Variants in PLSCR4 observed in about 807,000 individuals in gnomAD.
PLSCR4 encodes the protein Ca(2+)-dependent phospholipid scramblase 4.
A neutral mutation model predicts 36.3 loss-of-function variants in PLSCR4; 25 were observed. The ratio of observed to expected loss-of-function variants is 0.69; its 90% CI spans 0.50 to 0.96. The LOEUF is 0.96. PLSCR4 is among the 40% of genes least tolerant of loss of function. The probability of loss-of-function intolerance (pLI) is 0.00; values close to 1 mark genes in which losing one functional copy is unlikely to be tolerated. For missense variants in PLSCR4, 408 were observed against 414.7 expected, an observed-to-expected ratio of 0.98 and a Z score of 0.14; for synonymous variants, 122 against 132.9, an observed-to-expected ratio of 0.92 and a Z score of 0.56.
At chr3:146,224,683 G>C (rs527915164) in intron 1 of PLSCR4, among the ~76,000 whole-genome samples, 2 of 151,978 alleles carry the variant, frequency 1.3e-5, no homozygotes, top group East Asian at 1.9e-4. Flanking sequence ...AAGGGGACCC[G>C]AGCGGGTTGC....
At chr3:146,235,986 C>T (rs2107835159) in intron 1 of PLSCR4, among the ~76,000 whole-genome samples, 1 of 152,102 alleles carries the variant, frequency 6.6e-6, no homozygotes, top group Non-Finnish European at 1.5e-5. Flanking sequence ...CTTCTAATAA[C>T]CTGTGCTCAT....
chr3:146,200,600 G>A (rs1010060409), intron 5 of PLSCR4, among the ~76,000 whole-genome samples: 7 of 152,032 alleles, frequency 4.6e-5, no homozygotes, highest in African/African-American at 1.7e-4. Context: ...ACTGCACTAC[G>A]ATTTGGCAGA....
At chr3:146,235,656 T>C (rs2035884482) in intron 1 of PLSCR4, among the ~76,000 whole-genome samples, 1 of 151,994 alleles carries the variant, frequency 6.6e-6, no homozygotes, top group African/African-American at 2.4e-5. Context: ...CAGGCAGAGG[T>C]TGAAACAGCT....
At chr3:146,247,607 C>A (rs1195177435) in intron 1 of PLSCR4, among the ~76,000 whole-genome samples, 1 of 152,022 alleles carries the variant, frequency 6.6e-6, no homozygotes, top group East Asian at 1.9e-4. Context: ...TATCATTTGT[C>A]TTCACTGCAT....
intron 1 of PLSCR4, among the ~76,000 whole-genome samples, chr3:146,236,957 G>A (rs1186621326): frequency 6.6e-6 from 1 of 152,004 alleles, no homozygotes; most frequent in Non-Finnish European, 1.5e-5. Context: ...ATCTGATATA[G>A]TTCCTACCTT....
chr3:146,228,264 A>T (rs2035560795), intron 1 of PLSCR4, among the ~76,000 whole-genome samples: 1 of 152,248 alleles, frequency 6.6e-6, no homozygotes, highest in South Asian at 2.1e-4. Context: ...GAAGAGACCA[A>T]GAATAAATGT....
chr3:146,225,555 A>T (rs57764107), intron 1 of PLSCR4, among the ~76,000 whole-genome samples: 56,750 of 151,840 alleles, frequency 0.37, 10,756 homozygotes, highest in African/African-American at 0.44. Context: ...CATGGCAGGC[A>T]GCAGGTCCCG....
At chr3:146,221,233 T>G (rs2035128018) in intron 2 of PLSCR4, among the ~76,000 whole-genome samples, 1 of 152,224 alleles carries the variant, frequency 6.6e-6, no homozygotes, top group Non-Finnish European at 1.5e-5. Flanking sequence ...AGTAAATTCC[T>G]GGCATAATAG....
intron 4 of PLSCR4, among the ~76,000 whole-genome samples, chr3:146,203,861 G>A (rs1180393948): frequency 6.6e-6 from 1 of 151,978 alleles, no homozygotes; most frequent in Non-Finnish European, 1.5e-5. Flanking sequence ...TATGTTCATT[G>A]GAGTAATATC....
At chr3:146,203,688 G>A (rs960144919) in intron 4 of PLSCR4, among the ~76,000 whole-genome samples, 1 of 151,544 alleles carries the variant, frequency 6.6e-6, no homozygotes, top group African/African-American at 2.4e-5. Context: ...TTTTTCTGTA[G>A]CTTCCTCACC....
chr3:146,245,938 A>G (rs760954639), intron 1 of PLSCR4, among the ~76,000 whole-genome samples: 1 of 152,052 alleles, frequency 6.6e-6, no homozygotes, highest in Non-Finnish European at 1.5e-5. Flanking sequence ...GGACTGTGTT[A>G]ATTACTTTTA....
intron 6 of PLSCR4, among the ~76,000 whole-genome samples, chr3:146,199,506 T>C (rs1368640727): frequency 6.6e-6 from 1 of 152,124 alleles, no homozygotes; most frequent in East Asian, 1.9e-4. Context: ...GGTACGTACA[T>C]TTAGATAAAT....
At chr3:146,239,172 G>T (rs1245642454) in intron 1 of PLSCR4, among the ~76,000 whole-genome samples, 1 of 152,084 alleles carries the variant, frequency 6.6e-6, no homozygotes, top group Admixed American at 6.6e-5. Context: ...ATCTACAGAT[G>T]AAACAAAATC....
intron 8 of PLSCR4, 108 bp from the exon 9 acceptor site, chr3:146,194,563 A>AC (rs1372494495): frequency 1.2e-5 from 8 of 670,590 alleles, no homozygotes; most frequent in African/African-American, 3.7e-5. Context: ...CAGTTAAAAT[A>AC]CATAAATTTA....
chr3:146,208,382 T>G (rs188802745), intron 3 of PLSCR4, among the ~76,000 whole-genome samples: 1 of 152,162 alleles, frequency 6.6e-6, no homozygotes, highest in Non-Finnish European at 1.5e-5. Flanking sequence ...AAAGACTTCA[T>G]GACCAAAAAC....
chr3:146,222,223 T>TA, intron 1 of PLSCR4, 131 bp from the exon 2 acceptor site: 4 of 385,654 alleles, frequency 1.0e-5, no homozygotes, highest in Non-Finnish European at 1.9e-5. Context: ...CTTCATTAAT[T>TA]AAAAAAATAC....
intron 3 of PLSCR4, among the ~76,000 whole-genome samples, chr3:146,209,076 G>A (rs1206326878): frequency 6.6e-6 from 1 of 152,102 alleles, no homozygotes; most frequent in Admixed American, 6.6e-5. Flanking sequence ...ATACTACTCA[G>A]CCATAAAAAG....
chr3:146,239,035 TTTAA>T (rs1559927228), intron 1 of PLSCR4, among the ~76,000 whole-genome samples: 1 of 152,008 alleles, frequency 6.6e-6, no homozygotes, highest in Non-Finnish European at 1.5e-5. Context: ...TAGAAATAAA[TTTAA>T]TTAAAAAGTG....
chr3:146,209,303 T>C (rs770416358), intron 3 of PLSCR4, among the ~76,000 whole-genome samples: 9 of 151,978 alleles, frequency 5.9e-5, no homozygotes, highest in Non-Finnish European at 1.0e-4. Context: ...AGGCTACAAA[T>C]TGGGTTCAGT....
Sources: allele counts gnomAD v4.1 joint callset (sites outside exome capture counted in the v4.1 genomes callset), GRCh38; gene constraint gnomAD v4.1.1; transcripts MANE v1.5; gene names NCBI Gene and HGNC (gene_info 2026-07-23, HGNC 2026-07-21).